MAGI2: variants seen among roughly 807,000 people sequenced by gnomAD.
The protein encoded by MAGI2 is membrane associated guanylate kinase, WW and PDZ domain containing 2.
MAGI2 carries 35 observed loss-of-function variants against 133.3 expected under a neutral mutation model. The ratio of observed to expected loss-of-function variants is 0.26; its 90% CI spans 0.20 to 0.35. MAGI2 has a LOEUF of 0.35. Ranked by LOEUF, MAGI2 falls within the 10% of genes least tolerant of loss-of-function variation. MAGI2 has a pLI of 1.00. For synonymous variants in MAGI2, 729 were observed against 710.6 expected (o/e 1.03, Z -0.41); for missense variants, 1,636 against 1,863.4 (o/e 0.88, Z 2.25).
At chr7:79,252,326 C>A (rs1421635466) in intron 1 of MAGI2, among the ~76,000 whole-genome samples, 1 of 151,876 alleles carries the variant, frequency 6.6e-6, no homozygotes, top group Non-Finnish European at 1.5e-5. Context: ...CAGAAACAAA[C>A]AAACAAACAA....
At chr7:78,591,311 T>C (rs1344883536) in intron 3 of MAGI2, among the ~76,000 whole-genome samples, 1 of 152,240 alleles carries the variant, frequency 6.6e-6, no homozygotes, top group Non-Finnish European at 1.5e-5. Context: ...TAAAAGGTTT[T>C]AACCTACAGC....
At chr7:79,104,658 T>C (rs1448409998) in intron 1 of MAGI2, among the ~76,000 whole-genome samples, 1 of 151,420 alleles carries the variant, frequency 6.6e-6, no homozygotes, top group East Asian at 1.9e-4. Flanking sequence ...AGAGCGAGAC[T>C]CCATCTCAAA....
intron 3 of MAGI2, among the ~76,000 whole-genome samples, chr7:78,545,209 AT>A (rs1422866949): frequency 8.3e-6 from 1 of 121,000 alleles, no homozygotes; most frequent in East Asian, 2.7e-4. Flanking sequence ...TAATAACCTG[AT>A]TCTTTTTTTT....
intron 2 of MAGI2, among the ~76,000 whole-genome samples, chr7:78,980,952 G>A (rs1804731844): frequency 6.6e-6 from 1 of 151,454 alleles, no homozygotes; most frequent in African/African-American, 2.4e-5. Flanking sequence ...TTCTTTCAGG[G>A]CTTTTTAGAT....
At chr7:78,020,117 C>T (rs1808221801) in intron 21 of MAGI2, 141 bp from the exon 22 acceptor site, 6 of 758,840 alleles carry the variant, frequency 7.9e-6, no homozygotes, top group Non-Finnish European at 1.2e-5. Flanking sequence ...CCACCCCCAC[C>T]CTCACTGCCG....
intron 1 of MAGI2, among the ~76,000 whole-genome samples, chr7:79,342,861 C>T (rs6466604): frequency 1 from 151,961 of 152,188 alleles, 75,869 homozygotes; most frequent in Middle Eastern, 1. Context: ...CTGGGTTCAA[C>T]TGATTCTCCT....
chr7:78,062,623 G>T (rs74344493), intron 21 of MAGI2, among the ~76,000 whole-genome samples: 16,062 of 152,016 alleles, frequency 0.11, 957 homozygotes, highest in African/African-American at 0.14. Flanking sequence ...GTCCAATGTG[G>T]CTTTGTCATC....
At chr7:78,954,031 A>G (rs1802081910) in intron 2 of MAGI2, among the ~76,000 whole-genome samples, 1 of 152,288 alleles carries the variant, frequency 6.6e-6, no homozygotes, top group East Asian at 1.9e-4. Context: ...CATTAGACAT[A>G]CTACGCATTT....
chr7:78,692,812 G>C (rs1178961565), intron 2 of MAGI2, among the ~76,000 whole-genome samples: 1 of 152,154 alleles, frequency 6.6e-6, no homozygotes, highest in Non-Finnish European at 1.5e-5. Context: ...CCACTACTTA[G>C]TGATTATGCT....
chr7:79,079,793 A>G (rs17151935), intron 1 of MAGI2, among the ~76,000 whole-genome samples: 6,686 of 152,212 alleles, frequency 0.044, 225 homozygotes, highest in African/African-American at 0.084. Context: ...CTTTATTTCT[A>G]AAGTCATTAT....
At chr7:79,432,145 G>A (rs149355715) in intron 1 of MAGI2, among the ~76,000 whole-genome samples, 9 of 152,298 alleles carry the variant, frequency 5.9e-5, no homozygotes, top group Non-Finnish European at 1.0e-4. Context: ...GGTCAAACCA[G>A]TTCAAAAACC....
intron 5 of MAGI2, among the ~76,000 whole-genome samples, chr7:78,491,920 TTGA>T (rs1050986942): frequency 1.4e-5 from 2 of 145,060 alleles, no homozygotes; most frequent in Middle Eastern, 6.5e-3. Context: ...TGTGTGTGTG[TTGA>T]TGTCTATGTT....
At chr7:78,151,101 T>TATTTAC (rs1459045717) in intron 16 of MAGI2, among the ~76,000 whole-genome samples, 4,128 of 148,894 alleles carry the variant, frequency 0.028, 110 homozygotes, top group Non-Finnish European at 0.04. Context: ...TTTATATTTA[T>TATTTAC]ATATTTGCAC....
chr7:79,083,924 A>C (rs755583296), intron 1 of MAGI2, among the ~76,000 whole-genome samples: 3 of 151,606 alleles, frequency 2.0e-5, no homozygotes, highest in Admixed American at 6.6e-5. Flanking sequence ...AAATGTGTCC[A>C]TTTTATTTGA....
intron 10 of MAGI2, among the ~76,000 whole-genome samples, chr7:78,218,528 A>G (rs990494594): frequency 8.5e-5 from 13 of 152,200 alleles, no homozygotes; most frequent in Admixed American, 2.6e-4. Flanking sequence ...ATACCACAAT[A>G]TTTTTCAGCT....
At chr7:79,021,348 T>C (rs1328624891) in intron 1 of MAGI2, among the ~76,000 whole-genome samples, 3 of 152,176 alleles carry the variant, frequency 2.0e-5, no homozygotes, top group African/African-American at 4.8e-5. Flanking sequence ...GATTGCACTA[T>C]GTGCCTGTAA....
chr7:79,426,237 T>C (rs1341577261), intron 1 of MAGI2, among the ~76,000 whole-genome samples: 1 of 152,170 alleles, frequency 6.6e-6, no homozygotes, highest in Non-Finnish European at 1.5e-5. Context: ...CTGAACACTT[T>C]CCAAAGATGA....
chr7:79,331,832 G>A lies in MAGI2; in HGVS notation c.301+121188C>T, dbSNP rs138200293. ...TTTTCGCCTAAAAAGGCAACTTAGAGTTGTCTAGTTCCATCTCTTTATGAT... is the reference window on the plus strand; with the variant it reads ...TTTTCGCCTAAAAAGGCAACTTAGAATTGTCTAGTTCCATCTCTTTATGAT... On this transcript the variant is annotated intron_variant, in intron 1 of 21. Transcript: ENST00000354212. Among the ~76,000 whole-genome samples, 63 of 151,954 alleles carry A rather than the reference G, an allele frequency of 4.1e-4. No individual in the cohort carries two copies. The East Asian group carries it at 0.011, about 27-fold the overall frequency.
intron 9 of MAGI2, among the ~76,000 whole-genome samples, chr7:78,301,981 T>G (rs767170446): frequency 2.0e-5 from 3 of 152,184 alleles, no homozygotes; most frequent in Non-Finnish European, 2.9e-5. Context: ...CTAAATGATC[T>G]AATGCACGTA....
Sources: gnomAD v4.1 joint callset for allele counts (sites outside exome capture counted in the v4.1 genomes callset) on GRCh38, gnomAD v4.1.1 for gene constraint, MANE v1.5 for transcripts, NCBI Gene and HGNC (gene_info 2026-07-23, HGNC 2026-07-21) for gene names.